The following PDE4B variants were observed in gnomAD, a reference collection of about 807,000 sequenced individuals.
The protein encoded by PDE4B is phosphodiesterase 4B.
PDE4B carries 20 observed loss-of-function variants against 82.2 expected under a neutral mutation model. The observed-to-expected ratio is 0.24, with a 90% CI of 0.17 to 0.35. The LOEUF (loss-of-function observed/expected upper bound fraction) is 0.35. Ranked by LOEUF, PDE4B falls within the 10% of genes least tolerant of loss-of-function variation. The pLI, the probability that PDE4B is intolerant of heterozygous loss-of-function variation, is 1.00. For missense variants in PDE4B, 655 were observed against 907.2 expected, an observed-to-expected ratio of 0.72 and a Z score of 3.57; for synonymous variants, 320 against 318.9, an observed-to-expected ratio of 1.00 and a Z score of -0.04.
At chr1:66,017,827 A>ATTT (rs567252425) in intron 3 of PDE4B, among the ~76,000 whole-genome samples, 1 of 148,702 alleles carries the variant, frequency 6.7e-6, no homozygotes, top group African/African-American at 2.5e-5. Flanking sequence ...TATTAGTGAG[A>ATTT]TTTTTAAAAA....
At chr1:66,024,905 A>T (rs1052228001) in intron 3 of PDE4B, among the ~76,000 whole-genome samples, 1 of 151,870 alleles carries the variant, frequency 6.6e-6, no homozygotes. Context: ...TTATATATTT[A>T]TTTTCAAATT....
intron 3 of PDE4B, among the ~76,000 whole-genome samples, chr1:66,183,916 AG>A (rs1647126170): frequency 6.6e-6 from 1 of 152,162 alleles, no homozygotes; most frequent in Non-Finnish European, 1.5e-5. Context: ...TCTTGAATGA[AG>A]GGGGCATTTC....
At chr1:66,311,804 A>G (rs1004274081) in intron 7 of PDE4B, among the ~76,000 whole-genome samples, 1 of 152,224 alleles carries the variant, frequency 6.6e-6, no homozygotes, top group Admixed American at 6.5e-5. Context: ...TAAATGGTAC[A>G]GTGGCAGAGA....
chr1:66,275,055 G>A (rs535356153), intron 7 of PDE4B, among the ~76,000 whole-genome samples: 11 of 152,280 alleles, frequency 7.2e-5, no homozygotes, highest in Middle Eastern at 6.8e-3. Context: ...AAGTCAGGAG[G>A]GAGAATGGAG....
At chr1:66,146,973 AC>A in intron 3 of PDE4B, among the ~76,000 whole-genome samples, 1 of 152,134 alleles carries the variant, frequency 6.6e-6, no homozygotes, top group East Asian at 1.9e-4. Context: ...TGGAAATTCA[AC>A]CCATTTTGAA....
chr1:65,904,751 G>T (rs747349938), intron 1 of PDE4B, among the ~76,000 whole-genome samples: 1 of 152,068 alleles, frequency 6.6e-6, no homozygotes, highest in Non-Finnish European at 1.5e-5. Flanking sequence ...CTGTCTCTCT[G>T]CCTTTTCCTA....
intron 7 of PDE4B, among the ~76,000 whole-genome samples, chr1:66,274,741 G>A (rs10493401): frequency 1.8e-4 from 27 of 152,150 alleles, no homozygotes; most frequent in Non-Finnish European, 3.1e-4. Flanking sequence ...CCCAGTGTTA[G>A]TATTGGTGTT....
chr1:66,120,499 T>C (rs1645687989), intron 3 of PDE4B, among the ~76,000 whole-genome samples: 1 of 152,196 alleles, frequency 6.6e-6, no homozygotes, highest in South Asian at 2.1e-4. Context: ...CCAGATATTT[T>C]ACATTAGAGA....
At chr1:65,809,332 CAAAAAAAAAAAAA>C (rs11366228) in intron 1 of PDE4B, among the ~76,000 whole-genome samples, 4 of 72,514 alleles carry the variant, frequency 5.5e-5, no homozygotes, top group South Asian at 6.4e-4. Flanking sequence ...CTCCATCTCA[CAAAAAAAAAAAAA>C]AAAAAAAAAA....
chr1:66,062,648 A>G (rs1180942960), intron 3 of PDE4B, among the ~76,000 whole-genome samples: 2 of 152,090 alleles, frequency 1.3e-5, no homozygotes, highest in African/African-American at 2.4e-5. Context: ...GTTGTAAGGT[A>G]TGCTAGAGTG....
intron 7 of PDE4B, among the ~76,000 whole-genome samples, chr1:66,317,026 C>G (rs558582458): frequency 9.2e-5 from 14 of 152,262 alleles, no homozygotes; most frequent in Non-Finnish European, 1.6e-4. Flanking sequence ...TCAAACAATT[C>G]TTGTTTGCTA....
At chr1:66,058,229 G>T (rs561435717) in intron 3 of PDE4B, among the ~76,000 whole-genome samples, 1 of 152,212 alleles carries the variant, frequency 6.6e-6, no homozygotes, top group Non-Finnish European at 1.5e-5. Context: ...TGATGGAAGA[G>T]GTGGGTTCCC....
chr1:65,842,162 G>T (rs1407268323), intron 1 of PDE4B, among the ~76,000 whole-genome samples: 1 of 152,122 alleles, frequency 6.6e-6, no homozygotes, highest in African/African-American at 2.4e-5. Flanking sequence ...TCAAGATGTT[G>T]TGCTAATCCA....
intron 4 of PDE4B, among the ~76,000 whole-genome samples, chr1:66,253,039 C>T (rs910328306): frequency 6.6e-5 from 10 of 152,194 alleles, no homozygotes; most frequent in Admixed American, 6.5e-5. Flanking sequence ...ATAACTATAA[C>T]TCAATAACTA....
intron 3 of PDE4B, among the ~76,000 whole-genome samples, chr1:66,149,119 C>T (rs1268801557): frequency 6.6e-6 from 1 of 152,240 alleles, no homozygotes; most frequent in Non-Finnish European, 1.5e-5. Context: ...GATATCTCCA[C>T]ATCCTTGCCA....
intron 3 of PDE4B, among the ~76,000 whole-genome samples, chr1:66,021,619 A>G (rs907897408): frequency 2.6e-5 from 4 of 152,102 alleles, no homozygotes; most frequent in Admixed American, 2.0e-4. Context: ...CAAAGATCAG[A>G]TGGTTGTAGA....
chr1:66,104,522 C>T (rs1645299202), intron 3 of PDE4B, among the ~76,000 whole-genome samples: 1 of 144,792 alleles, frequency 6.9e-6, no homozygotes. Flanking sequence ...ACACTGACTT[C>T]CACAATGGTT....
intron 3 of PDE4B, among the ~76,000 whole-genome samples, chr1:66,201,228 T>C (rs1240798839): frequency 1.3e-5 from 2 of 152,218 alleles, no homozygotes; most frequent in South Asian, 2.1e-4. Context: ...CTTTTTGATG[T>C]GTTGCTGGAT....
At chr1:66,181,761 G>A (rs1196979321) in intron 3 of PDE4B, among the ~76,000 whole-genome samples, 4 of 152,130 alleles carry the variant, frequency 2.6e-5, no homozygotes, top group Non-Finnish European at 5.9e-5. Context: ...AGATGAGATT[G>A]CAGTCAGTTC....
Sources: gnomAD v4.1 joint callset for allele counts (sites outside exome capture counted in the v4.1 genomes callset) on GRCh38, gnomAD v4.1.1 for gene constraint, MANE v1.5 for transcripts, NCBI Gene and HGNC (gene_info 2026-07-23, HGNC 2026-07-21) for gene names.